The following SZT2 variants were observed in gnomAD, a reference collection of about 807,000 sequenced individuals.
The protein encoded by SZT2 is KICSTOR complex protein SZT2.
SZT2 carries 216 observed loss-of-function variants against 404.2 expected under a neutral mutation model. The ratio of observed to expected loss-of-function variants is 0.53; its 90% CI spans 0.48 to 0.60. The LOEUF is 0.60. Among genes scored for constraint, SZT2 ranks in the 20% least tolerant of loss-of-function variants. The pLI, the probability that SZT2 is intolerant of heterozygous loss-of-function variation, is 0.00. For synonymous variants in SZT2, 1,693 were observed against 1,749.9 expected, an observed-to-expected ratio of 0.97 and a Z score of 0.81; for missense variants, 3,857 against 4,459.2, an observed-to-expected ratio of 0.86 and a Z score of 3.85.
At position 43,452,077 on chromosome 1, in the gene SZT2, A is replaced by G; in HGVS notation, c.*1597A>G. The stretch of plus-strand genomic sequence containing the variant: ...CAAGTTTGTCCCCCATCAGTCAGTC[A>G]CTGGTCAAGGCCCTCACCTGTTCCT... On this transcript the variant is annotated 3_prime_UTR_variant, in exon 72 of 72. Coordinates refer to ENST00000634258, the MANE Select transcript of SZT2 (RefSeq NM_001365999.1). 2 of 1,545,650 alleles carry G rather than the reference A, an allele frequency of 1.3e-6. No homozygotes were observed. The highest frequency in any genetic ancestry group is 1.8e-6 in the Non-Finnish European group (2 of 1,127,990).
chr1:43,433,202 C>T lies in SZT2; in HGVS notation c.5804+12C>T. 3 of 1,611,890 alleles carry T rather than the reference C, an allele frequency of 1.9e-6. No homozygotes were observed. Among genetic ancestry groups the T allele is most frequent in the Non-Finnish European group, 1.7e-6 (2 of 1,179,750 alleles). ...TATGCACATGCACGGTAAGTAGAAGCCAGGGCCTGCACCCTCATGCTCCCA... is the reference window on the plus strand; with the variant it reads ...TATGCACATGCACGGTAAGTAGAAGTCAGGGCCTGCACCCTCATGCTCCCA... On this transcript the variant is annotated intron_variant, in intron 40 of 71. Transcript: ENST00000634258.
Position 43,454,064 on chromosome 1 carries a change from C to G in SZT2, c.*3584C>G, listed in dbSNP as rs1414055914. On this transcript the variant is annotated 3_prime_UTR_variant, in exon 72 of 72. Transcript: ENST00000634258. ...CCGCGCCTGGAGAAGGTAGGGAGGCCGAGCTCCAGGGCCTGAGAGCCGGAC... is the reference window on the plus strand; with the variant it reads ...CCGCGCCTGGAGAAGGTAGGGAGGCGGAGCTCCAGGGCCTGAGAGCCGGAC... The G allele has an allele frequency of 8.9e-7, 1 of 1,127,328 alleles. No individual in the cohort carries two copies. Among genetic ancestry groups the G allele is most frequent in the East Asian group, 4.7e-5 (1 of 21,100 alleles). The allele number at this position is 1,127,328 out of a possible 1,614,324, so 69.8% of individuals were successfully genotyped here.
Position 43,442,200 on chromosome 1 carries a change from A to G in SZT2, c.7874-68A>G. 6.3e-7 allele frequency: 1 copy of G among 1,598,694 alleles called. No homozygotes were observed. Among genetic ancestry groups the G allele is most frequent in the Non-Finnish European group, 8.5e-7 (1 of 1,171,244 alleles). ...TAACTGGTGGGGTCTCCAACCTTGC[A>G]GAGGGGAGGGTGGGATCAAGGGGGA... On this transcript the variant is annotated intron_variant, in intron 56 of 71. Coordinates refer to ENST00000634258, the MANE Select transcript of SZT2 (RefSeq NM_001365999.1). This position sits in a 1 kb window ranked among gnomAD's most constrained non-coding sequence, Gnocchi z 4.5.
intron 4 of SZT2, among the ~76,000 whole-genome samples, chr1:43,414,373 T>C (rs1651443497): frequency 2.0e-5 from 3 of 152,170 alleles, no homozygotes; most frequent in Admixed American, 2.0e-4. Context: ...TATCAAAATA[T>C]CTCATGTGCT....
At position 43,415,064 on chromosome 1, in the gene SZT2, T is replaced by G. The variant is rs1308679843; in HGVS notation, c.499-18T>G. On this transcript the variant is annotated intron_variant, in intron 4 of 71. Transcript: ENST00000634258. ...CACCCTGACCGTCCTGTCTCAGTCT[T>G]TCCCATGTGCTTCTTAGGTGCTGGT... 6.3e-7 allele frequency: 1 copy of G among 1,596,738 alleles called. No homozygotes were observed. The highest frequency in any genetic ancestry group is 1.1e-5 in the South Asian group (1 of 90,938).
Position 43,452,183 on chromosome 1 carries a change from T to C in SZT2, c.*1703T>C. 22 of 1,585,794 alleles carry C rather than the reference T, an allele frequency of 1.4e-5. No homozygotes were observed. Among genetic ancestry groups the C allele is most frequent in the Non-Finnish European group, 1.8e-5 (21 of 1,157,420 alleles). ...ACACCCACAGAGACATGTAAGTACG[T>C]GTGTGTTTCCACCTTTCTCACCTGA... On this transcript the variant is annotated 3_prime_UTR_variant, in exon 72 of 72. Coordinates refer to ENST00000634258, the MANE Select transcript of SZT2 (RefSeq NM_001365999.1).
In SZT2 at chr1:43,443,356, G is replaced by A; in HGVS notation, c.8504G>A (p.Gly2835Glu). Reference protein sequence around the residue: ...STPATMPISAGELETLKQSSR... With the variant: ...STPATMPISAEELETLKQSSR... ...CTCACTGCCCTGTTTCCCCAGGCTG[G>A]AGAGCTGGAGACCCTGAAGCAGTCA... is the stretch of plus-strand genomic sequence containing the variant. Residue 2835 changes from glycine to glutamate, a missense_variant, in exon 61 of 72, where the codon GGA becomes GAA. Gly to Glu is a moderately conservative substitution (Grantham distance 98, BLOSUM62 -2). This residue lies in a region of SZT2 where 717 missense variants were observed against 868.2 expected (regional missense o/e 0.83). Transcript: ENST00000634258. 1 of 1,614,166 alleles carries A rather than the reference G, an allele frequency of 6.2e-7. No individual in the cohort carries two copies. The highest frequency in any genetic ancestry group is 8.5e-7 in the Non-Finnish European group (1 of 1,180,018).
Position 43,446,245 on chromosome 1 carries a change from GA to G in SZT2, c.8985del (p.Glu2995AspfsTer45). On this transcript the variant is annotated frameshift_variant, in exon 64 of 72. Transcript: ENST00000634258. LOFTEE classifies it high-confidence loss of function. ...ACTGCCTGGGGGCATCATCCTCATG[GA>G]ACTGGCATTCCAGGTAAGCAGGAGG... ...RALPGGIILM[E>X]LAFQGCYFCV... 6.2e-7 allele frequency: 1 copy of G among 1,614,250 alleles called. No individual in the cohort carries two copies. Among genetic ancestry groups the G allele is most frequent in the Non-Finnish European group, 8.5e-7 (1 of 1,180,044 alleles).
chr1:43,440,632 T>A, intron 52 of SZT2, 46 bp downstream of exon 52: 1 of 1,503,298 alleles, frequency 6.7e-7, no homozygotes, highest in African/African-American at 1.4e-5. Context: ...TCTGCCTGCC[T>A]CCTAGCTCCT....
rs1656192299 is a variant in SZT2, at chr1:43,450,004, T to C, written c.10087-99T>C. The C allele has an allele frequency of 6.4e-6, 9 of 1,413,882 alleles. No individual in the cohort carries two copies. The highest frequency in any genetic ancestry group is 8.0e-6 in the Non-Finnish European group (8 of 1,001,936). The allele number at this position is 1,413,882 out of a possible 1,614,324, so 87.6% of individuals were successfully genotyped here. On this transcript the variant is annotated intron_variant, in intron 70 of 71. Transcript: ENST00000634258. The surrounding 1 kb of genome is among the most constrained non-coding windows in gnomAD (Gnocchi z 4.3). ...CTCAGGGTGCAGGCGGGGTGAGGTG[T>C]GGAGATGGAAGTAGGCCTCTCCTCA... is the stretch of plus-strand genomic sequence containing the variant.
In SZT2 at chr1:43,442,153, CG is replaced by C; in HGVS notation, c.7873+29del. ...AGGGTGAGGGCATGGCCCGGGGGGG[CG>C]GGGGGCGGGTAGGCTAAGAGTAACT... On this transcript the variant is annotated intron_variant, in intron 56 of 71. Transcript: ENST00000634258. This position sits in a 1 kb window ranked among gnomAD's most constrained non-coding sequence, Gnocchi z 4.5. 8.7e-7 allele frequency: 1 copy of C among 1,147,710 alleles called. No homozygotes were observed. The highest frequency in any genetic ancestry group is 1.3e-6 in the Non-Finnish European group (1 of 791,640). 71.1% of individuals were successfully genotyped at this position (1,147,710 alleles called of 1,614,324 possible).
chr1:43,393,485 A>G (rs1269887717), intron 1 of SZT2, among the ~76,000 whole-genome samples: 1 of 152,150 alleles, frequency 6.6e-6, no homozygotes, highest in South Asian at 2.1e-4. Context: ...ACTGGAATAC[A>G]TGCTTTTAAC....
chr1:43,391,892 T>TTTC (rs1648391871), intron 1 of SZT2, among the ~76,000 whole-genome samples: 2 of 77,506 alleles, frequency 2.6e-5, no homozygotes, highest in Admixed American at 1.3e-4. Context: ...CCATCCTGGC[T>TTTC]AAAACGGTGA....
chr1:43,452,938 G>A lies in SZT2; in HGVS notation c.*2458G>A. ...TCAGGAACGCTGCCAAATACACCAG[G>A]CCTCCTCTTGCCACAGCACCCTTGC... On this transcript the variant is annotated 3_prime_UTR_variant, in exon 72 of 72. Transcript: ENST00000634258. The A allele has an allele frequency of 1.2e-5, 19 of 1,608,644 alleles. No homozygotes were observed. Among genetic ancestry groups the A allele is most frequent in the Non-Finnish European group, 1.5e-5 (18 of 1,178,310 alleles).
chr1:43,428,621 G>C (rs1251683701), intron 28 of SZT2, 135 bp downstream of exon 28: 4 of 1,259,908 alleles, frequency 3.2e-6, no homozygotes, highest in Admixed American at 5.2e-5. Context: ...TTTGTCGCCG[G>C]CTCACGGACT....
Position 43,426,299 on chromosome 1 carries a change from G to A in SZT2, c.3044-69G>A. ...ATGAGGCTGAAGGAGGGGCCAGCTG[G>A]TCAGGGCTGAGCCGGGGGCACCGGG... On this transcript the variant is annotated intron_variant, in intron 21 of 71. Coordinates refer to ENST00000634258, the MANE Select transcript of SZT2 (RefSeq NM_001365999.1). The surrounding 1 kb of genome is among the most constrained non-coding windows in gnomAD (Gnocchi z 4.9). 2 of 1,504,296 alleles carry A rather than the reference G, an allele frequency of 1.3e-6. No homozygotes were observed. Among genetic ancestry groups the A allele is most frequent in the Non-Finnish European group, 1.8e-6 (2 of 1,125,570 alleles). The allele number at this position is 1,504,296 out of a possible 1,614,324, so 93.2% of individuals were successfully genotyped here.
In SZT2 at chr1:43,453,507, G is replaced by A. The variant is rs1472680768; in HGVS notation, c.*3027G>A. On this transcript the variant is annotated 3_prime_UTR_variant, in exon 72 of 72. Coordinates refer to ENST00000634258, the MANE Select transcript of SZT2 (RefSeq NM_001365999.1). ...CCCTTCTCTTGGTCTCCTGCAGAGA[G>A]AACGGGCCTCAGCCCCCGGCTCGGA... 6.5e-7 allele frequency: 1 copy of A among 1,544,948 alleles called. No homozygotes were observed. The highest frequency in any genetic ancestry group is 8.7e-7 in the Non-Finnish European group (1 of 1,143,150).
rs1654105092 is a variant in SZT2, at chr1:43,433,177, T to C, written c.5791T>C (p.Tyr1931His). The C allele has an allele frequency of 2.5e-6, 4 of 1,613,716 alleles. No individual in the cohort carries two copies. The highest frequency in any genetic ancestry group is 3.4e-6 in the Non-Finnish European group (4 of 1,179,978). Residue 1931 changes from tyrosine to histidine, a missense_variant, in exon 40 of 72, where the codon TAT (tyrosine) becomes CAT (histidine). Coordinates refer to ENST00000634258, the MANE Select transcript of SZT2 (RefSeq NM_001365999.1). Reference sequence around the variant, plus strand: ...GGTCCTGCAGGACCGTGTGGAAGTGTATGCACATGCACGGTAAGTAGAAGC... The same window carrying C: ...GGTCCTGCAGGACCGTGTGGAAGTGCATGCACATGCACGGTAAGTAGAAGC... ...VRVLQDRVEV[Y>H]AHARSLIRED...
rs1655959324 is a variant in SZT2 at position 43,448,416 on chromosome 1, C to T, written c.9901C>T (p.Leu3301=). 2 of 1,592,308 alleles carry T rather than the reference C, an allele frequency of 1.3e-6. No homozygotes were observed. The highest frequency in any genetic ancestry group is 1.3e-5 in the African/African-American group (1 of 74,400). Reference sequence around the variant, plus strand: ...ACTGCGGCTAGGGGGGCGCCTGGCCCTGGCAGAGCTGGAGGAACTCCTAGA... The same window carrying T: ...ACTGCGGCTAGGGGGGCGCCTGGCCTTGGCAGAGCTGGAGGAACTCCTAGA... ...DRLRLGGRLA[L]AELEELLEAV... The change falls in exon 69 of 72, where the codon CTG becomes TTG. Residue 3301 remains leucine (L), a synonymous_variant. Coordinates refer to ENST00000634258, the MANE Select transcript of SZT2 (RefSeq NM_001365999.1). The surrounding 1 kb of genome is among the most constrained non-coding windows in gnomAD (Gnocchi z 4.2).
Sources: gnomAD v4.1 joint callset for allele counts (sites outside exome capture counted in the v4.1 genomes callset) on GRCh38, gnomAD v4.1.1 for gene constraint, gnomAD v4.1.1 regional missense constraint, Gnocchi (gnomAD v3.1) non-coding constraint, MANE v1.5 for transcripts, NCBI Gene and HGNC (gene_info 2026-07-23, HGNC 2026-07-21) for gene names.